Variants in SLC25A27 observed in about 807,000 individuals in gnomAD.
SLC25A27 encodes the protein solute carrier family 25 member 27.
SLC25A27 carries 35 observed loss-of-function variants against 49.1 expected under a neutral mutation model. The observed-to-expected ratio is 0.71, with a 90% confidence interval of 0.54 to 0.95. SLC25A27 has a LOEUF of 0.95. SLC25A27 is among the 40% of genes least tolerant of loss of function. SLC25A27 has a pLI of 0.00. For synonymous variants in SLC25A27, 144 were observed against 136.9 expected (o/e 1.05, Z -0.36); for missense variants, 339 against 397.1 (o/e 0.85, Z 1.24).
chr6:46,662,584 G>T, intron 4 of SLC25A27, 86 bp downstream of exon 4: 1 of 1,389,092 alleles, frequency 7.2e-7, no homozygotes, highest in Non-Finnish European at 1.0e-6. Flanking sequence ...TTATCATCCA[G>T]TATGCAGTAA....
intron 8 of SLC25A27, among the ~76,000 whole-genome samples, chr6:46,674,238 A>T (rs551565223): frequency 6.4e-4 from 98 of 152,246 alleles, no homozygotes; most frequent in African/African-American, 2.2e-3. Context: ...TACATACATT[A>T]CTTTTTAAAA....
At position 46,655,915 on chromosome 6, in the gene SLC25A27, A is replaced by C. The variant is rs1762962406; in HGVS notation, c.179A>C (p.Asp60Ala). Residue 60 changes from aspartate (D) to alanine (A), a missense_variant, in exon 2 of 9, where the codon GAC becomes GCC. Coordinates refer to ENST00000371347, the MANE Select transcript of SLC25A27 (RefSeq NM_004277.5). The stretch of plus-strand genomic sequence containing the variant: ...GAAGCAGCTCTTGCTCGGTTGGGAG[A>C]CGGTGCAAGAGAATCTGCCCCCTAT... ...QGEAALARLG[D>A]GARESAPYRG... The C allele has an allele frequency of 6.2e-7, 1 of 1,613,510 alleles. No individual in the cohort carries two copies. The highest frequency in any genetic ancestry group is 8.5e-7 in the Non-Finnish European group (1 of 1,179,892).
chr6:46,653,412 A>G (rs1582490231), intron 1 of SLC25A27, 114 bp downstream of exon 1: 1 of 1,439,466 alleles, frequency 6.9e-7, no homozygotes, highest in Non-Finnish European at 9.0e-7. Context: ...CGCCCCTTCC[A>G]TGCCCGCCTG....
intron 2 of SLC25A27, 117 bp from the exon 3 acceptor site, chr6:46,658,845 A>G (rs1354292593): frequency 1.3e-6 from 1 of 791,296 alleles, no homozygotes; most frequent in Admixed American, 1.8e-5. Context: ...CCATGAGACA[A>G]AGACACAGCT....
intron 8 of SLC25A27, among the ~76,000 whole-genome samples, chr6:46,673,492 G>A (rs1254520183): frequency 6.6e-6 from 1 of 152,194 alleles, no homozygotes; most frequent in Non-Finnish European, 1.5e-5. Context: ...AAATGGCTAT[G>A]ACCATATTTG....
chr6:46,655,270 T>G (rs538714285), intron 1 of SLC25A27, among the ~76,000 whole-genome samples: 1 of 152,348 alleles, frequency 6.6e-6, no homozygotes, highest in East Asian at 1.9e-4. Context: ...CAGTCATTCA[T>G]CTGCATGTGA....
At position 46,652,995 on chromosome 6, in the gene SLC25A27, G is replaced by GT. The variant is rs2150625041; in HGVS notation, c.-197dup. On this transcript the variant is annotated 5_prime_UTR_variant, in exon 1 of 9. Transcript: ENST00000371347. ...CCGCTGTGTTTTTCTATTCTGGGGT[G>GT]TAAGGGGCAGCTGGACCACTCCAGC... The GT allele has an allele frequency of 1.7e-6, 1 of 600,968 alleles. No homozygotes were observed. The highest frequency in any genetic ancestry group is 2.0e-5 in the South Asian group (1 of 49,908). 37.2% of individuals were successfully genotyped at this position (600,968 alleles called of 1,614,324 possible).
At chr6:46,664,637 A>G (rs991365386) in intron 4 of SLC25A27, 137 bp from the exon 5 acceptor site, 4 of 472,060 alleles carry the variant, frequency 8.5e-6, no homozygotes, top group African/African-American at 8.0e-5. Flanking sequence ...AGATTGCTTC[A>G]TTTCTAATAA....
At chr6:46,657,305 A>T (rs1396813035) in intron 2 of SLC25A27, among the ~76,000 whole-genome samples, 1 of 152,116 alleles carries the variant, frequency 6.6e-6, no homozygotes, top group Non-Finnish European at 1.5e-5. Flanking sequence ...TCTACTAAAA[A>T]TACAAAAATT....
rs1177010818 is a variant in SLC25A27 at position 46,653,116 on chromosome 6, G to GGCAGGGAAGCGGCCGCCGCGGCGCGGT, written c.-72_-46dup. 1.4e-5 allele frequency: 19 copies of GGCAGGGAAGCGGCCGCCGCGGCGCGGT among 1,397,024 alleles called. No individual in the cohort carries two copies. Among genetic ancestry groups the GGCAGGGAAGCGGCCGCCGCGGCGCGGT allele is most frequent in the African/African-American group, 2.8e-5 (2 of 70,482 alleles). The allele number at this position is 1,397,024 out of a possible 1,614,324, so 86.5% of individuals were successfully genotyped here. A position where few individuals can be genotyped will look rare whatever the true frequency, so the allele number is the denominator to read the frequency against. On this transcript the variant is annotated 5_prime_UTR_variant, in exon 1 of 9. Coordinates refer to ENST00000371347, the MANE Select transcript of SLC25A27 (RefSeq NM_004277.5). ...TCGCCGGTTGAAAAGGGGCCGCCCT[G>GGCAGGGAAGCGGCCGCCGCGGCGCGGT]GCAGGGAAGCGGCCGCCGCGGCGCG...
intron 6 of SLC25A27, among the ~76,000 whole-genome samples, chr6:46,669,592 G>T (rs575867381): frequency 1.3e-5 from 2 of 152,128 alleles, no homozygotes; most frequent in Non-Finnish European, 2.9e-5. Flanking sequence ...GTGTGCACGC[G>T]CATGCACACA....
Position 46,668,785 on chromosome 6 carries a change from T to C in SLC25A27, c.696T>C (p.Gly232=). The change falls in exon 6 of 9, where the codon GGT becomes GGC. Residue 232 remains glycine, a synonymous_variant. Coordinates refer to ENST00000371347, the MANE Select transcript of SLC25A27 (RefSeq NM_004277.5). ...TTGAGGACAATATCATGACTCACGGTTTATCAAGGTAAGGATTGTTTTAGT... is the reference window on the plus strand; with the variant it reads ...TTGAGGACAATATCATGACTCACGGCTTATCAAGGTAAGGATTGTTTTAGT... ...TPLEDNIMTH[G]LSSLCSGLVA... The C allele has an allele frequency of 6.3e-7, 1 of 1,591,082 alleles. No homozygotes were observed. The highest frequency in any genetic ancestry group is 8.6e-7 in the Non-Finnish European group (1 of 1,159,464).
At position 46,676,460 on chromosome 6, in the gene SLC25A27, T is replaced by G; in HGVS notation, c.*6T>G. Reference sequence around the variant, plus strand: ...GTGGAGTCAGTCCATTTTAAACCCCTAAAGATGCAACCCTTAAAGATACAG... The same window carrying G: ...GTGGAGTCAGTCCATTTTAAACCCCGAAAGATGCAACCCTTAAAGATACAG... On this transcript the variant is annotated 3_prime_UTR_variant, in exon 9 of 9. Coordinates refer to ENST00000371347, the MANE Select transcript of SLC25A27 (RefSeq NM_004277.5). 6.2e-7 allele frequency: 1 copy of G among 1,613,906 alleles called. No individual in the cohort carries two copies. Among genetic ancestry groups the G allele is most frequent in the Non-Finnish European group, 8.5e-7 (1 of 1,179,818 alleles).
At chr6:46,667,185 T>C (rs537103600) in intron 5 of SLC25A27, among the ~76,000 whole-genome samples, 1 of 152,312 alleles carries the variant, frequency 6.6e-6, no homozygotes. Flanking sequence ...CTTTAAATTG[T>C]TCACACTCAA....
chr6:46,658,986 C>T lies in SLC25A27; in HGVS notation c.323C>T (p.Thr108Ile). 6.2e-7 allele frequency: 1 copy of T among 1,613,542 alleles called. No individual in the cohort carries two copies. The highest frequency in any genetic ancestry group is 8.5e-7 in the Non-Finnish European group (1 of 1,179,496). ...GTGTATTCTGGAGGTCGAATGGTCA[C>T]ATATGAACATCTCCGAGAGGTTGTG... ...HVVYSGGRMV[T>I]YEHLREVVFG... The change falls in exon 3 of 9, where the codon ACA becomes ATA. Residue 108 changes from threonine to isoleucine, a missense_variant. By Grantham distance (89) the Thr-to-Ile change is moderately conservative. Transcript: ENST00000371347.
chr6:46,662,298 G>T, intron 3 of SLC25A27, 78 bp from the exon 4 acceptor site: 1 of 1,301,830 alleles, frequency 7.7e-7, no homozygotes, highest in Non-Finnish European at 1.1e-6. Context: ...CCTAGGCCCT[G>T]TACCAGCTCA....
intron 2 of SLC25A27, among the ~76,000 whole-genome samples, chr6:46,656,940 A>T (rs1644163140): frequency 1.3e-5 from 2 of 152,178 alleles, no homozygotes; most frequent in Admixed American, 6.5e-5. Context: ...CCGAGGCGGG[A>T]TAATTGCTTG....
chr6:46,655,968 A>G lies in SLC25A27; in HGVS notation c.232A>G (p.Ile78Val). Residue 78 changes from isoleucine (I) to valine (V), a missense_variant, in exon 2 of 9, where the codon ATC (isoleucine) becomes GTC (valine). Transcript: ENST00000371347. ...GGGAATGGTGCGCACAGCTCTAGGG[A>G]TCATTGAAGAGGAAGGCTTTCTAAA... ...YRGMVRTALG[I>V]IEEEGFLKLW... 1 of 1,613,216 alleles carries G rather than the reference A, an allele frequency of 6.2e-7. No individual in the cohort carries two copies. The highest frequency in any genetic ancestry group is 8.5e-7 in the Non-Finnish European group (1 of 1,179,668).
At chr6:46,661,611 TA>T (rs1763167149) in intron 3 of SLC25A27, among the ~76,000 whole-genome samples, 1 of 152,240 alleles carries the variant, frequency 6.6e-6, no homozygotes, top group South Asian at 2.1e-4. Flanking sequence ...ACTTAGTGTT[TA>T]AGACTGTGGG....
Sources: allele counts gnomAD v4.1 joint callset (sites outside exome capture counted in the v4.1 genomes callset), GRCh38; gene constraint gnomAD v4.1.1; transcripts MANE v1.5; gene names NCBI Gene and HGNC (gene_info 2026-07-23, HGNC 2026-07-21).